Variants in SI observed in about 807,000 individuals in gnomAD.
SI encodes sucrase-isomaltase, also known as sucrase-isomaltase, intestinal.
Under a neutral mutation model 253.3 loss-of-function variants are expected in SI, and 235 were observed. The observed-to-expected ratio is 0.93, with a 90% CI of 0.83 to 1.03. The LOEUF is 1.03. Among genes scored for constraint, SI ranks in the 50% least tolerant of loss-of-function variants. SI has a pLI of 0.00. For synonymous variants in SI, 819 were observed against 712.0 expected (o/e 1.15, Z -2.39); for missense variants, 2,442 against 2,211.1 (o/e 1.10, Z -2.09).
chr3:165,022,447 T>A (rs1711672728), intron 26 of SI, among the ~76,000 whole-genome samples: 1 of 151,302 alleles, frequency 6.6e-6, no homozygotes, highest in Non-Finnish European at 1.5e-5. Flanking sequence ...GACACTTTTT[T>A]ATATAAATTT....
At chr3:165,047,729 C>T (rs1199016391) in intron 15 of SI, among the ~76,000 whole-genome samples, 5 of 151,806 alleles carry the variant, frequency 3.3e-5, no homozygotes, top group African/African-American at 4.8e-5. Flanking sequence ...AATATTATAC[C>T]TGAACTTGAA....
In SI at chr3:165,043,860, T is replaced by C. The variant is rs377380336; in HGVS notation, c.1888-685A>G. On this transcript the variant is annotated intron_variant, in intron 16 of 47. Transcript: ENST00000264382. ...AATGTAATTTCCTTTTTGTGTGAAA[T>C]TCAATTATATTAATGTCACTCTAGT... Among the ~76,000 whole-genome samples, 19 of 152,124 alleles carry C rather than the reference T, an allele frequency of 1.2e-4. No homozygotes were observed. The South Asian group carries it at 3.9e-3, about 32-fold the overall frequency.
intron 9 of SI, among the ~76,000 whole-genome samples, chr3:165,061,614 T>C (rs1439071225): frequency 2.0e-5 from 3 of 152,004 alleles, no homozygotes; most frequent in Non-Finnish European, 4.4e-5. Context: ...AAGAAAATAA[T>C]ATTTTTAAAA....
intron 13 of SI, among the ~76,000 whole-genome samples, 158 bp downstream of exon 13, chr3:165,055,036 G>A (rs1307479087): frequency 2.0e-5 from 3 of 152,058 alleles, no homozygotes; most frequent in African/African-American, 4.8e-5. Context: ...TTATGCACAC[G>A]ATGGGTATAT....
intron 7 of SI, 126 bp downstream of exon 7, chr3:165,065,135 T>C (rs1714171777): frequency 1.6e-6 from 1 of 644,952 alleles, no homozygotes; most frequent in African/African-American, 1.8e-5. Context: ...AGCTTCTATA[T>C]TGGTATCAGT....
intron 40 of SI, among the ~76,000 whole-genome samples, chr3:164,995,216 A>G (rs1049680249): frequency 4.6e-5 from 7 of 151,780 alleles, no homozygotes; most frequent in Non-Finnish European, 1.0e-4. Context: ...TTTAAGAGTA[A>G]GAAAGTTTGA....
At chr3:165,025,972 T>C (rs773365854) in intron 25 of SI, among the ~76,000 whole-genome samples, 9 of 151,392 alleles carry the variant, frequency 5.9e-5, no homozygotes, top group Middle Eastern at 3.4e-3. Flanking sequence ...AATGGAATGG[T>C]ACCTCACATC....
chr3:165,062,326 TA>T, intron 9 of SI, 44 bp downstream of exon 9: 2 of 938,516 alleles, frequency 2.1e-6, no homozygotes, highest in Non-Finnish European at 3.5e-6. Context: ...TTAGATGAAA[TA>T]AAAGTATGCA....
chr3:165,055,314 G>A lies in SI; in HGVS notation c.1399-7C>T. On this transcript the variant is annotated splice_region_variant and splice_polypyrimidine_tract_variant and intron_variant, in intron 12 of 47. Coordinates refer to ENST00000264382, the MANE Select transcript of SI (RefSeq NM_001041.4). ...CTGTTAATCCTGGCCATACCTAGAA[G>A]AATAGATCATTCACATATATACATA... 1 of 1,415,328 alleles carries A rather than the reference G, an allele frequency of 7.1e-7. No individual in the cohort carries two copies. The highest frequency in any genetic ancestry group is 1.7e-5 in the Admixed American group (1 of 59,540). The allele number at this position is 1,415,328 out of a possible 1,614,324, so 87.7% of individuals were successfully genotyped here.
intron 41 of SI, among the ~76,000 whole-genome samples, 159 bp downstream of exon 41, chr3:164,994,098 C>T (rs912512304): frequency 6.6e-6 from 1 of 151,558 alleles, no homozygotes; most frequent in Non-Finnish European, 1.5e-5. Context: ...TATTAATGGA[C>T]ATATTTGTGT....
At chr3:165,071,675 G>T (rs1714586295) in intron 3 of SI, among the ~76,000 whole-genome samples, 1 of 151,942 alleles carries the variant, frequency 6.6e-6, no homozygotes, top group South Asian at 2.1e-4. Context: ...TATAAGGGTG[G>T]GGCCCTAATT....
In SI at chr3:164,987,207, G is replaced by A. The variant is rs1199037324; in HGVS notation, c.5128C>T (p.Leu1710Phe). 6.2e-7 allele frequency: 1 copy of A among 1,613,506 alleles called. No homozygotes were observed. The highest frequency in any genetic ancestry group is 1.7e-5 in the Admixed American group (1 of 59,990). ...TGATTATCATCTGCAGCAACAATGA[G>A]CTTCATGTGTTTTTGTCGACTATAA... ...TFYSRQKHMK[L>F]IVAADDNQMA... Residue 1710 changes from leucine to phenylalanine, a missense_variant, in exon 45 of 48, where the codon CTC (leucine) becomes TTC (phenylalanine). Leu to Phe is a conservative substitution (Grantham distance 22). Transcript: ENST00000264382.
In SI at chr3:165,015,245, A is replaced by G. The variant is rs1325243243; in HGVS notation, c.3889-12T>C. On this transcript the variant is annotated splice_polypyrimidine_tract_variant and intron_variant, in intron 32 of 47. Coordinates refer to ENST00000264382, the MANE Select transcript of SI (RefSeq NM_001041.4). ...GAAATTGCTGGATCCTAAAATTAAA[A>G]TGAAATATAAACAAGGTACACATGA... is the stretch of plus-strand genomic sequence containing the variant. 1 of 1,584,932 alleles carries G rather than the reference A, an allele frequency of 6.3e-7. No individual in the cohort carries two copies. The highest frequency in any genetic ancestry group is 1.7e-5 in the Admixed American group (1 of 59,944).
At chr3:165,006,661 A>AT (rs751746579) in intron 37 of SI, among the ~76,000 whole-genome samples, 155 bp downstream of exon 37, 3 of 152,134 alleles carry the variant, frequency 2.0e-5, no homozygotes, top group Admixed American at 6.6e-5. Context: ...AAAGAAACAC[A>AT]TTTTTTCTAA....
chr3:165,024,446 T>G (rs1711794882), intron 25 of SI, among the ~76,000 whole-genome samples: 1 of 151,310 alleles, frequency 6.6e-6, no homozygotes, highest in Non-Finnish European at 1.5e-5. Context: ...AATATTATAT[T>G]TATCTACATT....
upstream of SI, among the ~76,000 whole-genome samples, chr3:165,079,200 A>C (rs745919109): frequency 4.0e-5 from 6 of 151,666 alleles, no homozygotes; most frequent in Non-Finnish European, 8.9e-5. Flanking sequence ...TTGATATAAT[A>C]AATTTGGATA....
intron 31 of SI, among the ~76,000 whole-genome samples, chr3:165,017,339 G>A (rs1205636429): frequency 1.3e-5 from 2 of 151,840 alleles, no homozygotes; most frequent in African/African-American, 2.4e-5. Context: ...GTATTAGGGA[G>A]GGAAAAGGAA....
chr3:165,042,804 A>G (rs1424046645), intron 17 of SI, among the ~76,000 whole-genome samples: 3 of 152,134 alleles, frequency 2.0e-5, no homozygotes, highest in African/African-American at 7.2e-5. Flanking sequence ...ATACTTGTAC[A>G]GTTATGCGTT....
At chr3:165,008,633 A>G (rs1718628252) in intron 35 of SI, among the ~76,000 whole-genome samples, 1 of 152,076 alleles carries the variant, frequency 6.6e-6, no homozygotes, top group Admixed American at 6.6e-5. Flanking sequence ...AACAAAATAT[A>G]TGCTTTATAC....
Sources: allele counts gnomAD v4.1 joint callset (sites outside exome capture counted in the v4.1 genomes callset), GRCh38; gene constraint gnomAD v4.1.1; transcripts MANE v1.5; gene names NCBI Gene and HGNC (gene_info 2026-07-23, HGNC 2026-07-21).